The following RBFOX1 variants were observed in gnomAD, a reference collection of about 807,000 sequenced individuals.
The protein encoded by RBFOX1 is RNA binding fox-1 homolog 1.
In RBFOX1, 8 loss-of-function variants were observed where a neutral mutation model predicts 57.7. The observed-to-expected ratio is 0.14, with a 90% CI of 0.08 to 0.25. RBFOX1 has a LOEUF of 0.25. Among genes scored for constraint, RBFOX1 ranks in the 10% least tolerant of loss-of-function variants. The pLI, the probability that RBFOX1 is intolerant of heterozygous loss-of-function variation, is 1.00. For missense variants in RBFOX1, 611 were observed against 548.5 expected (o/e 1.11, Z -1.14); for synonymous variants, 326 against 222.4 (o/e 1.47, Z -4.15).
chr16:6,939,506 C>CTTTTCTTTT (rs1555651253), intron 3 of RBFOX1, among the ~76,000 whole-genome samples: 1 of 112,886 alleles, frequency 8.9e-6, no homozygotes, highest in Admixed American at 9.0e-5. Flanking sequence ...ATTTTTCTTT[C>CTTTTCTTTT]TTTTTTTTTT....
At chr16:7,503,753 C>A (rs1047588283) in intron 4 of RBFOX1, among the ~76,000 whole-genome samples, 8 of 152,146 alleles carry the variant, frequency 5.3e-5, no homozygotes, top group East Asian at 3.9e-4. Flanking sequence ...TGTTCTTTCC[C>A]TTACAAAAAT....
intron 2 of RBFOX1, among the ~76,000 whole-genome samples, chr16:6,443,897 A>G (rs1274020996): frequency 6.6e-6 from 1 of 152,000 alleles, no homozygotes; most frequent in East Asian, 1.9e-4. Flanking sequence ...CATTCAATTA[A>G]CATTTATTGA....
At chr16:7,636,472 G>C (rs562925928) in intron 11 of RBFOX1, among the ~76,000 whole-genome samples, 1 of 152,180 alleles carries the variant, frequency 6.6e-6, no homozygotes, top group African/African-American at 2.4e-5. Flanking sequence ...GATAACCTAT[G>C]AATGGTTCAG....
intron 2 of RBFOX1, chr16:6,483,969 C>A: frequency 9.7e-7 from 1 of 1,031,196 alleles, no homozygotes; most frequent in Middle Eastern, 4.8e-4. Flanking sequence ...TCAGGGCTCG[C>A]CCTGGGTGCC....
At chr16:6,956,439 G>C (rs902933357) in intron 3 of RBFOX1, among the ~76,000 whole-genome samples, 18 of 152,186 alleles carry the variant, frequency 1.2e-4, no homozygotes, top group Non-Finnish European at 1.5e-4. Context: ...TTTGTCAAGA[G>C]TAAGCTACAT....
chr16:7,202,942 C>T (rs963379943), intron 4 of RBFOX1, among the ~76,000 whole-genome samples: 3 of 152,048 alleles, frequency 2.0e-5, no homozygotes, highest in African/African-American at 7.2e-5. Flanking sequence ...GCTGGAGTGC[C>T]AGGCTAATTT....
At chr16:7,048,006 G>A (rs2048628124) in intron 3 of RBFOX1, among the ~76,000 whole-genome samples, 1 of 151,688 alleles carries the variant, frequency 6.6e-6, no homozygotes, top group Admixed American at 6.6e-5. Context: ...AGCCGTCTGA[G>A]TAGCTGGGAA....
chr16:6,861,549 C>A (rs146274897), intron 3 of RBFOX1, among the ~76,000 whole-genome samples: 4 of 146,156 alleles, frequency 2.7e-5, no homozygotes, highest in East Asian at 4.2e-4. Flanking sequence ...TAACTGGGCA[C>A]GTTCAGTGTT....
chr16:7,031,422 C>G (rs570229130), intron 3 of RBFOX1, among the ~76,000 whole-genome samples: 31 of 151,920 alleles, frequency 2.0e-4, no homozygotes, highest in African/African-American at 7.2e-4. Flanking sequence ...ATGGTGAAAC[C>G]CCGTCTCTAC....
At position 6,919,655 on chromosome 16, in the gene RBFOX1, A is replaced by G. The variant is rs547423164; in HGVS notation, c.-15-132402A>G. Reference sequence around the variant, plus strand: ...CCGTCCTTTTTGTTGATGGAGAGATAAAAATCCAGATTGAATCCAGATCCA... The same window carrying G: ...CCGTCCTTTTTGTTGATGGAGAGATGAAAATCCAGATTGAATCCAGATCCA... On this transcript the variant is annotated intron_variant, in intron 3 of 15. Transcript: ENST00000550418. Among the ~76,000 whole-genome samples, 53 of 152,270 alleles carry G rather than the reference A, an allele frequency of 3.5e-4. 1 individual carries two copies. The South Asian group carries it at 9.7e-3, about 28-fold the overall frequency.
intron 4 of RBFOX1, among the ~76,000 whole-genome samples, chr16:7,393,265 G>A (rs543221532): frequency 8.1e-4 from 124 of 152,290 alleles, no homozygotes; most frequent in Non-Finnish European, 1.6e-3. Context: ...GCCCATGCAG[G>A]ATCTCACTTC....
chr16:7,702,024 G>A (rs2080900547), intron 14 of RBFOX1, among the ~76,000 whole-genome samples: 1 of 152,154 alleles, frequency 6.6e-6, no homozygotes, highest in South Asian at 2.1e-4. Context: ...CCATGTACCT[G>A]CATAGTGCAC....
intron 4 of RBFOX1, among the ~76,000 whole-genome samples, chr16:7,233,957 C>G (rs140826201): frequency 6.6e-6 from 1 of 152,268 alleles, no homozygotes; most frequent in African/African-American, 2.4e-5. Flanking sequence ...TTGACTGGTC[C>G]TGGGAGAATA....
chr16:5,311,032 C>G (rs943308351), intron 1 of RBFOX1, among the ~76,000 whole-genome samples: 3 of 152,242 alleles, frequency 2.0e-5, no homozygotes, highest in Admixed American at 2.0e-4. Context: ...TGTGATACCA[C>G]TCTGTATGCC....
rs74411705 is a variant in RBFOX1, at chr16:7,003,296, C to G, written c.-15-48761C>G. Among the ~76,000 whole-genome samples the G allele has an allele frequency of 3.2e-4, 48 of 152,038 alleles. 1 individual carries two copies. In the South Asian group the frequency reaches 9.0e-3, roughly 28 times the overall value. On this transcript the variant is annotated intron_variant, in intron 3 of 15. Coordinates refer to ENST00000550418, the MANE Select transcript of RBFOX1 (RefSeq NM_018723.4). ...CAACATGGTGAAACCCCCGTCTCTA[C>G]TAAAAGTGCAAAAATTAGCTGGGCG...
At chr16:7,273,554 T>G (rs182173387) in intron 4 of RBFOX1, among the ~76,000 whole-genome samples, 11 of 152,262 alleles carry the variant, frequency 7.2e-5, no homozygotes, top group Admixed American at 5.2e-4. Flanking sequence ...TGGGTTAACC[T>G]CTTTGTGCCT....
intron 2 of RBFOX1, among the ~76,000 whole-genome samples, chr16:6,568,161 A>C (rs200956825): frequency 1.3e-5 from 2 of 152,206 alleles, no homozygotes; most frequent in Non-Finnish European, 2.9e-5. Flanking sequence ...TAGCCTCTCA[A>C]AACAACAAAA....
intron 4 of RBFOX1, among the ~76,000 whole-genome samples, chr16:7,113,066 G>A (rs993537495): frequency 2.6e-5 from 4 of 152,128 alleles, no homozygotes; most frequent in African/African-American, 9.7e-5. Flanking sequence ...GGACAGAATG[G>A]AAAATTAATT....
chr16:6,151,243 CATTTG>C (rs1238983579), intron 1 of RBFOX1, among the ~76,000 whole-genome samples: 1 of 152,126 alleles, frequency 6.6e-6, no homozygotes, highest in East Asian at 1.9e-4. Context: ...CCCGCGACAC[CATTTG>C]TTTTCAGGAA....
Sources: allele counts gnomAD v4.1 joint callset (sites outside exome capture counted in the v4.1 genomes callset), GRCh38; gene constraint gnomAD v4.1.1; transcripts MANE v1.5; gene names NCBI Gene and HGNC (gene_info 2026-07-23, HGNC 2026-07-21).